Variants in NSMCE1 observed in about 807,000 individuals in gnomAD.
The protein encoded by NSMCE1 is non-structural maintenance of chromosomes element 1 homolog.
In NSMCE1, 18 loss-of-function variants were observed where a neutral mutation model predicts 29.6. That is an observed-to-expected ratio of 0.61 (90% CI 0.42 to 0.90). The LOEUF (loss-of-function observed/expected upper bound fraction) is 0.90, where lower values mean the gene tolerates loss of function less well. Ranked by LOEUF, NSMCE1 falls within the 40% of genes least tolerant of loss-of-function variation. NSMCE1 has a pLI of 0.00. For missense variants in NSMCE1, 314 were observed against 343.6 expected (o/e 0.91, Z 0.68); for synonymous variants, 124 against 133.4 (o/e 0.93, Z 0.49).
rs886543488 is a variant in NSMCE1, at chr16:27,232,890, C to T, written c.483+111G>A. The T allele has an allele frequency of 1.8e-6, 2 of 1,128,848 alleles. No homozygotes were observed. The highest frequency in any genetic ancestry group is 2.4e-5 in the East Asian group (1 of 42,222). The allele number at this position is 1,128,848 out of a possible 1,614,324, so 69.9% of individuals were successfully genotyped here. A position where few individuals can be genotyped will look rare whatever the true frequency, so the allele number is the denominator to read the frequency against. On this transcript the variant is annotated intron_variant, in intron 5 of 7. Coordinates refer to ENST00000361439, the MANE Select transcript of NSMCE1 (RefSeq NM_145080.4). The surrounding 1 kb of genome is among the most constrained non-coding windows in gnomAD (Gnocchi z 4.5). ...GAATGCATGAAAGCAGATAAGGGAT[C>T]CGAGAAGGCCGGGCTCCTCAGACAT...
intron 2 of NSMCE1, among the ~76,000 whole-genome samples, chr16:27,242,818 G>C (rs1489762724): frequency 6.6e-6 from 1 of 152,208 alleles, no homozygotes; most frequent in Non-Finnish European, 1.5e-5. Context: ...GACACCTTCT[G>C]TGGCGCTCTG....
intron 2 of NSMCE1, among the ~76,000 whole-genome samples, chr16:27,247,180 A>C (rs184504475): frequency 1.3e-5 from 2 of 152,302 alleles, no homozygotes; most frequent in Non-Finnish European, 2.9e-5. Flanking sequence ...CCATAATCCA[A>C]ACATGTCATG....
In NSMCE1 at chr16:27,257,556, T is replaced by C. The variant is rs762396205; in HGVS notation, c.15A>G (p.Thr5=). Residue 5 remains threonine, a synonymous_variant, in exon 2 of 8, where the codon ACA becomes ACG. Transcript: ENST00000361439. MQGS[T]RRMGVMTDVH... is the part of the protein sequence containing the mutation. ...CATCAGTCATGACGCCCATTCTCCT[T>C]GTGCTGCCCTGCATGTGGGAACGAA... The C allele has an allele frequency of 6.2e-6, 10 of 1,612,732 alleles. No individual in the cohort carries two copies. In the East Asian group the frequency reaches 1.3e-4, roughly 22 times the overall value.
intron 5 of NSMCE1, among the ~76,000 whole-genome samples, chr16:27,228,996 G>A (rs900051245): frequency 2.0e-5 from 3 of 151,702 alleles, no homozygotes; most frequent in Admixed American, 6.6e-5. Context: ...CAACGCACTC[G>A]CTACCGAACA....
intron 2 of NSMCE1, among the ~76,000 whole-genome samples, chr16:27,240,758 A>C (rs1012960304): frequency 6.6e-6 from 1 of 152,178 alleles, no homozygotes; most frequent in East Asian, 1.9e-4. Context: ...TTCTGTATAC[A>C]GTTTCTCCTT....
chr16:27,231,807 A>G (rs1596672628), intron 5 of NSMCE1, among the ~76,000 whole-genome samples: 1 of 151,962 alleles, frequency 6.6e-6, no homozygotes, highest in Admixed American at 6.6e-5. Flanking sequence ...CGGGGCCTGA[A>G]CTCGGCCCTG....
chr16:27,234,593 A>G (rs1414038029), intron 3 of NSMCE1, among the ~76,000 whole-genome samples: 3 of 152,238 alleles, frequency 2.0e-5, no homozygotes, highest in African/African-American at 7.2e-5. Context: ...TAGCAAGGAA[A>G]TCTGCTTTGC....
rs114066493 is a variant in NSMCE1, at chr16:27,267,728, A to T, written c.-12+978T>A. Among the ~76,000 whole-genome samples, 1,234 of 147,042 alleles carry T rather than the reference A, an allele frequency of 8.4e-3. 11 individuals are homozygous for T. Among genetic ancestry groups the T allele is most frequent in the African/African-American group, 0.029 (1,141 of 39,712 alleles). ...GGTTATTTATCCCAACAGTGTAAAT[A>T]TATGCATTTTTTTTTTTGAGACGGA... On this transcript the variant is annotated intron_variant, in intron 1 of 7. Coordinates refer to ENST00000361439, the MANE Select transcript of NSMCE1 (RefSeq NM_145080.4).
intron 2 of NSMCE1, among the ~76,000 whole-genome samples, chr16:27,244,895 AG>A (rs1230757907): frequency 1.3e-5 from 2 of 152,234 alleles, no homozygotes; most frequent in African/African-American, 2.4e-5. Context: ...CCACGAACCG[AG>A]GAAGATGTGT....
At chr16:27,264,994 G>C (rs2084205760) in intron 1 of NSMCE1, among the ~76,000 whole-genome samples, 2 of 152,008 alleles carry the variant, frequency 1.3e-5, no homozygotes, top group Admixed American at 6.6e-5. Context: ...ATGCATAAAT[G>C]ATGAATAAAT....
chr16:27,251,175 TATATATATATATATAA>T lies in NSMCE1; in HGVS notation c.136+6244_136+6259del, dbSNP rs1343668462. On this transcript the variant is annotated intron_variant, in intron 2 of 7. Transcript: ENST00000361439. ...ATTATTTAAAATATATATATATATA[TATATATATATATATAA>T]ATATATATATATATATAAAACTCTG... Among the ~76,000 whole-genome samples, 45 of 51,388 alleles carry T rather than the reference TATATATATATATATAA, an allele frequency of 8.8e-4. 1 individual carries two copies. The African/African-American group carries it at 9.0e-3, about 10-fold the overall frequency. The allele number at this position is 51,388 out of a possible 152,430, so 33.7% of individuals were successfully genotyped here. A position where few individuals can be genotyped will look rare whatever the true frequency, so the allele number is the denominator to read the frequency against.
rs1018168762 is a variant in NSMCE1, at chr16:27,232,201, C to T, written c.483+800G>A. Among the ~76,000 whole-genome samples, 5 of 152,194 alleles carry T rather than the reference C, an allele frequency of 3.3e-5. No individual in the cohort carries two copies. The highest frequency in any genetic ancestry group is 9.7e-5 in the African/African-American group (4 of 41,444). On this transcript the variant is annotated intron_variant, in intron 5 of 7. Coordinates refer to ENST00000361439, the MANE Select transcript of NSMCE1 (RefSeq NM_145080.4). The surrounding 1 kb of genome is among the most constrained non-coding windows in gnomAD (Gnocchi z 4.5). ...ACCAAGTGAGGAAGCGGGGACCCGG[C>T]GTGAGTGCGTCCTCAACACACATGG...
intron 2 of NSMCE1, among the ~76,000 whole-genome samples, chr16:27,243,021 G>A (rs759178082): frequency 2.0e-5 from 3 of 152,248 alleles, no homozygotes; most frequent in Admixed American, 6.5e-5. Flanking sequence ...GCCTACAGAG[G>A]CAGGCAGGAA....
At chr16:27,259,297 G>A (rs966760125) in intron 1 of NSMCE1, among the ~76,000 whole-genome samples, 1 of 152,032 alleles carries the variant, frequency 6.6e-6, no homozygotes, top group Non-Finnish European at 1.5e-5. Context: ...ACACACCTGA[G>A]CATCGAACTC....
intron 2 of NSMCE1, among the ~76,000 whole-genome samples, chr16:27,250,670 G>C (rs1236984746): frequency 7.9e-5 from 12 of 151,726 alleles, no homozygotes; most frequent in Admixed American, 5.2e-4. Context: ...GCACGTGCCT[G>C]TAATCCCAGC....
At chr16:27,253,508 A>AT (rs1317489393) in intron 2 of NSMCE1, among the ~76,000 whole-genome samples, 13 of 152,318 alleles carry the variant, frequency 8.5e-5, no homozygotes, top group East Asian at 1.9e-4. Flanking sequence ...TACTTTGTCC[A>AT]TTTTTGAATT....
chr16:27,267,192 C>T (rs567808154), intron 1 of NSMCE1, among the ~76,000 whole-genome samples: 2 of 151,868 alleles, frequency 1.3e-5, no homozygotes, highest in South Asian at 2.1e-4. Flanking sequence ...TACATCTATA[C>T]GTTTAAATTT....
At chr16:27,227,000 G>A (rs1397700068) in intron 5 of NSMCE1, among the ~76,000 whole-genome samples, 164 bp from the exon 6 acceptor site, 2 of 152,226 alleles carry the variant, frequency 1.3e-5, no homozygotes, top group African/African-American at 4.8e-5. Context: ...CCCCCTGGCA[G>A]AGCCTCGGCA....
At chr16:27,260,504 T>C (rs2084142738) in intron 1 of NSMCE1, among the ~76,000 whole-genome samples, 1 of 151,870 alleles carries the variant, frequency 6.6e-6, no homozygotes, top group Non-Finnish European at 1.5e-5. Context: ...ACTAGATTAG[T>C]AATAACAATG....
Sources: gnomAD v4.1 joint callset for allele counts (sites outside exome capture counted in the v4.1 genomes callset) on GRCh38, gnomAD v4.1.1 for gene constraint, Gnocchi (gnomAD v3.1) non-coding constraint, MANE v1.5 for transcripts, NCBI Gene and HGNC (gene_info 2026-07-23, HGNC 2026-07-21) for gene names.